Variants in CNTRL observed in about 807,000 individuals in gnomAD.
CNTRL encodes 110 kDa centrosomal protein.
Under a neutral mutation model 303.7 loss-of-function variants are expected in CNTRL, and 233 were observed. That is an observed-to-expected ratio of 0.77 (90% CI 0.69 to 0.86). The LOEUF is 0.86. Among genes scored for constraint, CNTRL ranks in the 40% least tolerant of loss-of-function variants. CNTRL has a pLI of 0.00. For missense variants in CNTRL, 2,524 were observed against 2,650.6 expected (o/e 0.95, Z 1.05); for synonymous variants, 900 against 922.2 (o/e 0.98, Z 0.44).
At position 121,157,566 on chromosome 9, in the gene CNTRL, G is replaced by C; in HGVS notation, c.4462G>C (p.Ala1488Pro). The C allele has an allele frequency of 6.2e-7, 1 of 1,614,158 alleles. No individual in the cohort carries two copies. The highest frequency in any genetic ancestry group is 8.5e-7 in the Non-Finnish European group (1 of 1,180,002). The change falls in exon 28 of 44, where the codon GCT becomes CCT. Residue 1488 changes from alanine to proline, a missense_variant. Ala to Pro is a conservative substitution (Grantham distance 27). Coordinates refer to ENST00000373855, the MANE Select transcript of CNTRL (RefSeq NM_007018.6). ...ATTAGAAAGGAGAGCTCAGGAAACT[G>C]CTGTTAACCTCGTCAAAGCTGATCA... Reference protein sequence around the residue: ...EELERRAQETAVNLVKADQQL... With the variant: ...EELERRAQETPVNLVKADQQL...
In CNTRL at chr9:121,138,561, TTCA is replaced by T; in HGVS notation, c.2220_2222del (p.Gln741del). On this transcript the variant is annotated inframe_deletion, in exon 16 of 44. Coordinates refer to ENST00000373855, the MANE Select transcript of CNTRL (RefSeq NM_007018.6). ...TGGTGACAGTTAGAACAATCAGCCC[TTCA>T]AGCAGAACTTGAGAAGGAAAGGCAA... The T allele has an allele frequency of 1.9e-6, 3 of 1,613,850 alleles. No individual in the cohort carries two copies. The highest frequency in any genetic ancestry group is 2.5e-6 in the Non-Finnish European group (3 of 1,179,808).
intron 7 of CNTRL, among the ~76,000 whole-genome samples, chr9:121,104,521 T>TA (rs891738271): frequency 6.7e-6 from 1 of 148,354 alleles, no homozygotes; most frequent in East Asian, 2.0e-4. Context: ...AAAGTATAAT[T>TA]AAAAAAAAGA....
At chr9:121,145,004 C>G (rs201589441) in intron 21 of CNTRL, 45 bp downstream of exon 21, 6 of 1,511,460 alleles carry the variant, frequency 4.0e-6, no homozygotes, top group Non-Finnish European at 5.5e-6. Flanking sequence ...AGATTCTTAT[C>G]AGTTCCTAAA....
intron 35 of CNTRL, 63 bp from the exon 36 acceptor site, chr9:121,166,043 TA>T: frequency 1.6e-6 from 2 of 1,256,120 alleles, no homozygotes; most frequent in East Asian, 2.4e-5. Context: ...TTGGGAATGC[TA>T]ATGGGAATCT....
At chr9:121,132,777 C>T (rs1383359317) in intron 14 of CNTRL, among the ~76,000 whole-genome samples, 1 of 152,162 alleles carries the variant, frequency 6.6e-6, no homozygotes, top group Non-Finnish European at 1.5e-5. Context: ...GTTTTATCTA[C>T]CTTTGGCCTT....
chr9:121,094,133 A>G (rs1242106143), intron 4 of CNTRL, among the ~76,000 whole-genome samples: 1 of 150,880 alleles, frequency 6.6e-6, no homozygotes, highest in African/African-American at 2.4e-5. Flanking sequence ...CCCGCAAAAA[A>G]AAAGAAAAAG....
At chr9:121,078,087 A>C (rs60611854) in intron 1 of CNTRL, among the ~76,000 whole-genome samples, 397 of 152,312 alleles carry the variant, frequency 2.6e-3, no homozygotes, top group African/African-American at 9.3e-3. Context: ...CTTATTTAGA[A>C]GGAGAATGCC....
chr9:121,155,948 C>T (rs2052545387), intron 27 of CNTRL, among the ~76,000 whole-genome samples: 1 of 152,084 alleles, frequency 6.6e-6, no homozygotes, highest in African/African-American at 2.4e-5. Context: ...TAAAAGCAGT[C>T]TATTACCTAG....
At chr9:121,078,519 T>C (rs1286966079) in intron 1 of CNTRL, among the ~76,000 whole-genome samples, 2 of 152,224 alleles carry the variant, frequency 1.3e-5, no homozygotes, top group Non-Finnish European at 2.9e-5. Context: ...AGCAAGCAGT[T>C]AGTTCTGCAG....
chr9:121,119,229 A>T (rs1003166156), intron 12 of CNTRL, among the ~76,000 whole-genome samples: 7 of 150,796 alleles, frequency 4.6e-5, no homozygotes, highest in African/African-American at 1.5e-4. Context: ...GTTGAATTTC[A>T]TTGTATTGCA....
chr9:121,144,983 T>G (rs765224666), intron 21 of CNTRL, 24 bp downstream of exon 21: 2 of 1,563,638 alleles, frequency 1.3e-6, no homozygotes, highest in South Asian at 1.1e-5. Flanking sequence ...CCCAGAGACC[T>G]CCTCTTTCTC....
chr9:121,155,683 T>A (rs1474661381), intron 27 of CNTRL, among the ~76,000 whole-genome samples: 1 of 152,210 alleles, frequency 6.6e-6, no homozygotes, highest in Non-Finnish European at 1.5e-5. Flanking sequence ...AGTTACCTTT[T>A]ATTGAGCCAC....
At chr9:121,099,798 A>G (rs2049059406) in intron 7 of CNTRL, among the ~76,000 whole-genome samples, 1 of 152,248 alleles carries the variant, frequency 6.6e-6, no homozygotes, top group African/African-American at 2.4e-5. Flanking sequence ...CAACTGGAAG[A>G]AAGAATATCA....
intron 42 of CNTRL, 32 bp from the exon 43 acceptor site, chr9:121,174,986 T>G: frequency 6.3e-7 from 1 of 1,595,930 alleles, no homozygotes; most frequent in Non-Finnish European, 8.6e-7. Flanking sequence ...ATTTCTTCTG[T>G]GTAAAACCCT....
Position 121,150,296 on chromosome 9 carries a change from G to A in CNTRL, c.3776G>A (p.Gly1259Asp). 3.7e-6 allele frequency: 6 copies of A among 1,614,114 alleles called. No individual in the cohort carries two copies. Among genetic ancestry groups the A allele is most frequent in the Non-Finnish European group, 5.1e-6 (6 of 1,180,014 alleles). ...CCTGATGGTTCTCCTGTACCCCAGG[G>A]CATGGCCCTGTATGCACCACCTCCT... ...VLPDGSPVPQ[G>D]MALYAPPPPL... The change falls in exon 25 of 44, where the codon GGC becomes GAC. Residue 1259 changes from glycine to aspartate, a missense_variant. By Grantham distance (94) the Gly-to-Asp change is moderately conservative. Coordinates refer to ENST00000373855, the MANE Select transcript of CNTRL (RefSeq NM_007018.6).
At chr9:121,102,766 A>G (rs1398843418) in intron 7 of CNTRL, among the ~76,000 whole-genome samples, 1 of 152,236 alleles carries the variant, frequency 6.6e-6, no homozygotes, top group African/African-American at 2.4e-5. Flanking sequence ...AGACAGACAG[A>G]GAGCAGAATC....
intron 15 of CNTRL, 45 bp downstream of exon 15, chr9:121,136,027 C>T (rs2051171854): frequency 7.0e-7 from 1 of 1,438,762 alleles, no homozygotes. Flanking sequence ...GACCCTGTGC[C>T]TTAAGATATC....
At position 121,177,204 on chromosome 9, in the gene CNTRL, A is replaced by G; in HGVS notation, c.*18A>G. 1.2e-6 allele frequency: 2 copies of G among 1,601,992 alleles called. No individual in the cohort carries two copies. The highest frequency in any genetic ancestry group is 1.7e-5 in the Admixed American group (1 of 58,988). ...CCAGATGAGGAATACTGTCTTGTGTAAATATATTCAAGGAAAACACCTCCA... is the reference window on the plus strand; with the variant it reads ...CCAGATGAGGAATACTGTCTTGTGTGAATATATTCAAGGAAAACACCTCCA... On this transcript the variant is annotated 3_prime_UTR_variant, in exon 44 of 44. Coordinates refer to ENST00000373855, the MANE Select transcript of CNTRL (RefSeq NM_007018.6).
At chr9:121,089,631 A>G (rs530216009) in intron 3 of CNTRL, among the ~76,000 whole-genome samples, 6 of 152,308 alleles carry the variant, frequency 3.9e-5, no homozygotes, top group Admixed American at 2.6e-4. Context: ...GATTTTTAAG[A>G]ATTTCAGTGT....
Sources: gnomAD v4.1 joint callset for allele counts (sites outside exome capture counted in the v4.1 genomes callset) on GRCh38, gnomAD v4.1.1 for gene constraint, MANE v1.5 for transcripts, NCBI Gene and HGNC (gene_info 2026-07-23, HGNC 2026-07-21) for gene names.